Variants in ACVR1 observed in about 807,000 individuals in gnomAD.
ACVR1 encodes the protein activin receptor type-1.
ACVR1 carries 38 observed loss-of-function variants against 57.1 expected under a neutral mutation model. The observed-to-expected ratio is 0.67, with a 90% CI of 0.51 to 0.87. ACVR1 has a LOEUF of 0.87. Among genes scored for constraint, ACVR1 ranks in the 40% least tolerant of loss-of-function variants. The pLI, the probability that ACVR1 is intolerant of heterozygous loss-of-function variation, is 0.00. For missense variants in ACVR1, 463 were observed against 638.2 expected (o/e 0.73, Z 2.96); for synonymous variants, 212 against 228.1 (o/e 0.93, Z 0.63).
At chr2:157,819,661 C>T (rs1361678812) in intron 1 of ACVR1, among the ~76,000 whole-genome samples, 1 of 152,052 alleles carries the variant, frequency 6.6e-6, no homozygotes, top group Admixed American at 6.5e-5. Flanking sequence ...TTTCAAGCAA[C>T]AATTCTCTGG....
Position 157,867,549 on chromosome 2 carries a change from G to C in ACVR1, c.-183+8247C>G, listed in dbSNP as rs546767012. On this transcript the variant is annotated intron_variant, in intron 1 of 10. Transcript: ENST00000434821. ...CTCCCTCAGACAGACATGGTCAAAA[G>C]ATCTGGCAGTTTCTTGCAGGAAGGA... 2.7e-4 allele frequency among the ~76,000 whole-genome samples: 41 copies of C among 152,338 alleles called. No homozygotes were observed. The South Asian group carries it at 8.3e-3, about 31-fold the overall frequency.
intron 2 of ACVR1, among the ~76,000 whole-genome samples, chr2:157,813,737 A>C (rs1687835744): frequency 6.6e-6 from 1 of 152,232 alleles, no homozygotes. Context: ...GGGACTGTTA[A>C]GTGAAGAAAA....
At chr2:157,810,824 C>T (rs1256760479) in intron 2 of ACVR1, among the ~76,000 whole-genome samples, 1 of 152,208 alleles carries the variant, frequency 6.6e-6, no homozygotes, top group African/African-American at 2.4e-5. Flanking sequence ...CACAGGCTTC[C>T]TCCATGTCCC....
chr2:157,870,091 C>T (rs935907187), intron 1 of ACVR1, among the ~76,000 whole-genome samples: 1 of 152,202 alleles, frequency 6.6e-6, no homozygotes, highest in Non-Finnish European at 1.5e-5. Context: ...TGGTTTAAAA[C>T]ATCACTCAAC....
intron 3 of ACVR1, among the ~76,000 whole-genome samples, chr2:157,782,875 T>C (rs1686577696): frequency 6.6e-6 from 1 of 152,210 alleles, no homozygotes; most frequent in Admixed American, 6.5e-5. Context: ...CCCCAGGATA[T>C]ATACCTAACC....
At chr2:157,866,145 T>C (rs1209319047) in intron 1 of ACVR1, among the ~76,000 whole-genome samples, 2 of 152,226 alleles carry the variant, frequency 1.3e-5, no homozygotes, top group African/African-American at 4.8e-5. Context: ...AATAAAGCTA[T>C]CTAGGAACGA....
intron 1 of ACVR1, among the ~76,000 whole-genome samples, chr2:157,837,524 G>A (rs1013248001): frequency 3.9e-5 from 6 of 152,048 alleles, no homozygotes; most frequent in African/African-American, 9.7e-5. Context: ...TTTCGAGCAC[G>A]GAAATTTAAA....
rs1488497205 is a variant in ACVR1, at chr2:157,826,777, AAAGGAAAGG to A, written c.-182-8227_-182-8219del. On this transcript the variant is annotated intron_variant, in intron 1 of 10. Transcript: ENST00000434821. ...AAAGGAAAGGAAAGGAAAGGAAAGG[AAAGGAAAGG>A]AAAGGGAAAGGGAAAAGGAAAAGGA... The A allele has an allele frequency of 4.2e-3, 313 of 74,476 alleles. 7 individuals are homozygous for A. The highest frequency in any genetic ancestry group is 0.018 in the African/African-American group (253 of 14,370). 4.6% of individuals were successfully genotyped at this position (74,476 alleles called of 1,614,324 possible).
In ACVR1 at chr2:157,738,518, T is replaced by G; in HGVS notation, c.1317A>C (p.Pro439=). Residue 439 remains proline (P), a synonymous_variant, in exon 10 of 11, where the codon CCA becomes CCC. Transcript: ENST00000434821. ...PPFYDVVPND[P]SFEDMRKVVC... The stretch of plus-strand genomic sequence containing the variant: ...CTACCTTCCTCATATCTTCAAAACT[T>G]GGGTCATTGGGAACCACATCGTAGA... The G allele has an allele frequency of 6.2e-7, 1 of 1,614,148 alleles. No homozygotes were observed. Among genetic ancestry groups the G allele is most frequent in the Non-Finnish European group, 8.5e-7 (1 of 1,179,982 alleles).
In ACVR1 at chr2:157,796,478, T is replaced by C. The variant is rs148289749; in HGVS notation, c.67+2949A>G. On this transcript the variant is annotated intron_variant, in intron 3 of 10. Coordinates refer to ENST00000434821, the MANE Select transcript of ACVR1 (RefSeq NM_001111067.4). ...CTGACGTAGGAGGATCACTTGAGCCTGGGAGGAGAAGGTTGCAGTGAGCTG... is the reference window on the plus strand; with the variant it reads ...CTGACGTAGGAGGATCACTTGAGCCCGGGAGGAGAAGGTTGCAGTGAGCTG... 8.5e-5 allele frequency among the ~76,000 whole-genome samples: 13 copies of C among 152,090 alleles called. No individual in the cohort carries two copies. The East Asian group carries it at 1.5e-3, about 18-fold the overall frequency.
intron 3 of ACVR1, among the ~76,000 whole-genome samples, chr2:157,795,826 C>G (rs958673206): frequency 2.0e-5 from 3 of 152,006 alleles, no homozygotes; most frequent in African/African-American, 7.3e-5. Flanking sequence ...CTCTCTCTAC[C>G]TCTCCTTCTC....
intron 9 of ACVR1, among the ~76,000 whole-genome samples, chr2:157,756,673 T>C (rs1685436136): frequency 6.6e-6 from 1 of 151,978 alleles, no homozygotes. Context: ...TTGGCGTGGA[T>C]GCGGCACAAA....
At chr2:157,751,120 C>G (rs1225886002) in intron 9 of ACVR1, among the ~76,000 whole-genome samples, 1 of 152,230 alleles carries the variant, frequency 6.6e-6, no homozygotes, top group Non-Finnish European at 1.5e-5. Flanking sequence ...TCCAAATACT[C>G]TGAGTGCCCA....
rs376135811 is a variant in ACVR1 at position 157,837,517 on chromosome 2, C to T, written c.-182-18958G>A. ...ACTTTTAAATTTTTTAATTTAATTT[C>T]GAGCACGGAAATTTAAAGATATTTG... On this transcript the variant is annotated intron_variant, in intron 1 of 10. Transcript: ENST00000434821. Among the ~76,000 whole-genome samples, 109 of 152,140 alleles carry T rather than the reference C, an allele frequency of 7.2e-4. 1 individual carries two copies. The highest frequency in any genetic ancestry group is 2.0e-3 in the African/African-American group (83 of 41,490).
At chr2:157,805,306 T>A (rs1018961518) in intron 2 of ACVR1, among the ~76,000 whole-genome samples, 1 of 152,216 alleles carries the variant, frequency 6.6e-6, no homozygotes, top group African/African-American at 2.4e-5. Context: ...CTTCATTCAA[T>A]AAGGACATTC....
intron 7 of ACVR1, 100 bp from the exon 8 acceptor site, chr2:157,766,296 A>G (rs1685857924): frequency 1.6e-6 from 2 of 1,259,758 alleles, no homozygotes; most frequent in Admixed American, 1.9e-5. Flanking sequence ...CATCTGTAAC[A>G]AAAAGTAATT....
rs1559080739 is a variant in ACVR1, at chr2:157,826,786, G to GAAAGGA, written c.-182-8228_-182-8227insTCCTTT. 61 of 103,422 alleles carry GAAAGGA rather than the reference G, an allele frequency of 5.9e-4. 4 individuals are homozygous for GAAAGGA. The highest frequency in any genetic ancestry group is 2.7e-3 in the African/African-American group (58 of 21,736). The allele number at this position is 103,422 out of a possible 1,614,324, so 6.4% of individuals were successfully genotyped here. On this transcript the variant is annotated intron_variant, in intron 1 of 10. Transcript: ENST00000434821. ...GAAAGGAAAGGAAAGGAAAGGAAAG[G>GAAAGGA]AAAGGGAAAGGGAAAAGGAAAAGGA...
At chr2:157,815,602 C>A (rs543421331) in intron 2 of ACVR1, among the ~76,000 whole-genome samples, 1 of 152,128 alleles carries the variant, frequency 6.6e-6, no homozygotes, top group Non-Finnish European at 1.5e-5. Context: ...CCTTCTCCCT[C>A]AAATAAACAT....
At chr2:157,828,879 G>A (rs11682856) in intron 1 of ACVR1, among the ~76,000 whole-genome samples, 44 of 152,010 alleles carry the variant, frequency 2.9e-4, no homozygotes, top group Non-Finnish European at 5.0e-4. Flanking sequence ...CGATTTTTGT[G>A]CCTCAGCCTC....
Sources: allele counts gnomAD v4.1 joint callset (sites outside exome capture counted in the v4.1 genomes callset), GRCh38; gene constraint gnomAD v4.1.1; transcripts MANE v1.5; gene names NCBI Gene and HGNC (gene_info 2026-07-23, HGNC 2026-07-21).